The following CCDC85C variants were observed in gnomAD, a reference collection of about 807,000 sequenced individuals.
CCDC85C encodes the protein coiled-coil domain containing 85C.
A neutral mutation model predicts 38.3 loss-of-function variants in CCDC85C; 18 were observed. That is an observed-to-expected ratio of 0.47 (90% CI 0.33 to 0.70). The LOEUF is 0.70. Among genes scored for constraint, CCDC85C ranks in the 30% least tolerant of loss-of-function variants. The probability of loss-of-function intolerance (pLI) is 0.03; values close to 1 mark genes in which losing one functional copy is unlikely to be tolerated. For synonymous variants in CCDC85C, 264 were observed against 293.8 expected, an observed-to-expected ratio of 0.90 and a Z score of 1.04; for missense variants, 566 against 621.2, an observed-to-expected ratio of 0.91 and a Z score of 0.94.
At chr14:99,527,920 G>A (rs1897418229) in intron 2 of CCDC85C, among the ~76,000 whole-genome samples, 3 of 152,214 alleles carry the variant, frequency 2.0e-5, no homozygotes, top group Admixed American at 6.5e-5. Flanking sequence ...CCTGGGCAAG[G>A]TGCGTGAGAA....
At chr14:99,536,270 G>C (rs1897597925) in intron 1 of CCDC85C, among the ~76,000 whole-genome samples, 182 bp from the exon 2 acceptor site, 1 of 152,182 alleles carries the variant, frequency 6.6e-6, no homozygotes, top group Admixed American at 6.5e-5. Flanking sequence ...CACGGCCTGT[G>C]GCCAAAGGCT....
chr14:99,532,788 T>C (rs867055092), intron 2 of CCDC85C, among the ~76,000 whole-genome samples: 1 of 147,360 alleles, frequency 6.8e-6, no homozygotes, highest in African/African-American at 2.5e-5. Context: ...TCTTCTTTTT[T>C]TTTTTTTTTT....
chr14:99,502,465 C>T lies in CCDC85C; in HGVS notation c.*12781G>A, dbSNP rs561921226. The T allele has an allele frequency of 2.7e-6, 4 of 1,504,926 alleles. No individual in the cohort carries two copies. The South Asian group carries it at 4.1e-5, about 15-fold the overall frequency. The allele number at this position is 1,504,926 out of a possible 1,614,324, so 93.2% of individuals were successfully genotyped here. A position where few individuals can be genotyped will look rare whatever the true frequency, so the allele number is the denominator to read the frequency against. ...CCCTGAGTCCCAAGAATGGATTTTC[C>T]CAGATAGACATATGTGAGCAATATT... On this transcript the variant is annotated 3_prime_UTR_variant, in exon 6 of 6. Transcript: ENST00000380243.
At position 99,603,263 on chromosome 14, in the gene CCDC85C, G is replaced by A. The variant is rs1369192010; in HGVS notation, c.697C>T (p.His233Tyr). Residue 233 changes from histidine to tyrosine, a missense_variant, in exon 1 of 6, where the codon CAC becomes TAC. Physicochemically the swap from His to Tyr is moderately conservative, Grantham distance 83. Coordinates refer to ENST00000380243, the MANE Select transcript of CCDC85C (RefSeq NM_001144995.2). The surrounding 1 kb of genome is among the most constrained non-coding windows in gnomAD (Gnocchi z 7.5). Reference sequence around the variant, plus strand: ...CCTGCCTTGCCGTCGGGGGCCTTGTGCGGCCCGGGGGGCAGCAGCGGGGGT... The same window carrying A: ...CCTGCCTTGCCGTCGGGGGCCTTGTACGGCCCGGGGGGCAGCAGCGGGGGT... ...VPPPLLPPGP[H>Y]KAPDGKAGAT... The A allele has an allele frequency of 4.3e-6, 6 of 1,389,544 alleles. No homozygotes were observed. Among genetic ancestry groups the A allele is most frequent in the Non-Finnish European group, 5.6e-6 (6 of 1,078,410 alleles). The allele number at this position is 1,389,544 out of a possible 1,614,324, so 86.1% of individuals were successfully genotyped here. A position where few individuals can be genotyped will look rare whatever the true frequency, so the allele number is the denominator to read the frequency against.
rs558902032 is a variant in CCDC85C, at chr14:99,536,008, G to A, written c.867+7C>T. 1.3e-4 allele frequency: 194 copies of A among 1,550,744 alleles called. 1 individual carries two copies. The African/African-American group carries it at 1.8e-3, about 15-fold the overall frequency. On this transcript the variant is annotated splice_region_variant and intron_variant, in intron 2 of 5. Coordinates refer to ENST00000380243, the MANE Select transcript of CCDC85C (RefSeq NM_001144995.2). ...CCTCAAGGCAGCGCCACCCGAAGCC[G>A]GCCTACCTGTGCGAGGAGCTTGTCA...
At position 99,603,125 on chromosome 14, in the gene CCDC85C, C is replaced by T. The variant is rs1309048790; in HGVS notation, c.793+42G>A. 7.7e-7 allele frequency: 1 copy of T among 1,293,356 alleles called. No homozygotes were observed. The highest frequency in any genetic ancestry group is 9.8e-7 in the Non-Finnish European group (1 of 1,020,148). 80.1% of individuals were successfully genotyped at this position (1,293,356 alleles called of 1,614,324 possible). The stretch of plus-strand genomic sequence containing the variant: ...TCGCCGCAGCCTGGGAAAAGGGCTG[C>T]AGCCAGGGAGACCCGCGCTGCCCGG... On this transcript the variant is annotated intron_variant, in intron 1 of 5. Transcript: ENST00000380243. The surrounding 1 kb of genome is among the most constrained non-coding windows in gnomAD (Gnocchi z 7.5).
intron 1 of CCDC85C, among the ~76,000 whole-genome samples, chr14:99,598,498 G>T (rs940765202): frequency 6.6e-6 from 1 of 152,178 alleles, no homozygotes; most frequent in Non-Finnish European, 1.5e-5. Flanking sequence ...GGGAGCCACA[G>T]CCATCGTAGG....
intron 2 of CCDC85C, chr14:99,534,878 AG>A: frequency 1.6e-6 from 1 of 609,742 alleles, no homozygotes; most frequent in Non-Finnish European, 2.9e-6. Flanking sequence ...TGCCATTCAG[AG>A]CTTGGCTGTG....
intron 1 of CCDC85C, among the ~76,000 whole-genome samples, chr14:99,590,364 G>A (rs1023560423): frequency 6.6e-6 from 1 of 152,200 alleles, no homozygotes; most frequent in Non-Finnish European, 1.5e-5. Context: ...GCTGGAGCAG[G>A]CAGAGGCATT....
intron 2 of CCDC85C, among the ~76,000 whole-genome samples, chr14:99,524,938 A>G (rs1897355187): frequency 6.6e-6 from 1 of 152,228 alleles, no homozygotes; most frequent in African/African-American, 2.4e-5. Context: ...CTGCCAGCTC[A>G]GAGCTCAAAC....
chr14:99,532,158 G>A (rs1186200186), intron 2 of CCDC85C, among the ~76,000 whole-genome samples: 1 of 152,208 alleles, frequency 6.6e-6, no homozygotes, highest in Non-Finnish European at 1.5e-5. Flanking sequence ...CACAAGGGTG[G>A]GTCATGACAC....
chr14:99,550,813 G>A (rs929714036), intron 1 of CCDC85C, among the ~76,000 whole-genome samples: 5 of 152,102 alleles, frequency 3.3e-5, no homozygotes, highest in Admixed American at 6.5e-5. Context: ...CCTCTGAGCC[G>A]AGATACCAGC....
rs1896903767 is a variant in CCDC85C, at chr14:99,503,818, C to T, written c.*11428G>A. The T allele has an allele frequency of 1.7e-6, 1 of 601,128 alleles. No homozygotes were observed. Among genetic ancestry groups the T allele is most frequent in the South Asian group, 2.1e-5 (1 of 46,632 alleles). 37.2% of individuals were successfully genotyped at this position (601,128 alleles called of 1,614,324 possible). ...TCTGTTCATCACCTGATCATAGATT[C>T]TAAAATTGTGCTCTTACGAAGCTAT... On this transcript the variant is annotated 3_prime_UTR_variant, in exon 6 of 6. Transcript: ENST00000380243.
At chr14:99,553,427 C>T (rs1427553935) in intron 1 of CCDC85C, among the ~76,000 whole-genome samples, 3 of 152,186 alleles carry the variant, frequency 2.0e-5, no homozygotes, top group African/African-American at 4.8e-5. Context: ...TGCAATGGTG[C>T]GATCTCAGCT....
In CCDC85C at chr14:99,527,552, G is replaced by A. The variant is rs143656671; in HGVS notation, c.868-5312C>T. Among the ~76,000 whole-genome samples, 1,223 of 152,278 alleles carry A rather than the reference G, an allele frequency of 8.0e-3. 18 individuals are homozygous for A. Among genetic ancestry groups the A allele is most frequent in the African/African-American group, 0.027 (1,122 of 41,556 alleles). On this transcript the variant is annotated intron_variant, in intron 2 of 5. Transcript: ENST00000380243. ...TCCACGGGTCTCGAGGCTGGGCACAGGTGGGAGCTGAGTTCACCCAGCAGC... is the reference window on the plus strand; with the variant it reads ...TCCACGGGTCTCGAGGCTGGGCACAAGTGGGAGCTGAGTTCACCCAGCAGC...
intron 1 of CCDC85C, among the ~76,000 whole-genome samples, chr14:99,551,455 G>A (rs370969009): frequency 4.0e-5 from 6 of 151,312 alleles, no homozygotes; most frequent in Admixed American, 2.6e-4. Context: ...GTGAGCAGGT[G>A]AATGAGTGAG....
At position 99,511,441 on chromosome 14, in the gene CCDC85C, A is replaced by G. The variant is rs369414287; in HGVS notation, c.*3805T>C. 1 of 152,518 alleles carries G rather than the reference A, an allele frequency of 6.6e-6. No individual in the cohort carries two copies. The highest frequency in any genetic ancestry group is 1.5e-5 in the Non-Finnish European group (1 of 68,038). 9.4% of individuals were successfully genotyped at this position (152,518 alleles called of 1,614,324 possible). On this transcript the variant is annotated 3_prime_UTR_variant, in exon 6 of 6. Coordinates refer to ENST00000380243, the MANE Select transcript of CCDC85C (RefSeq NM_001144995.2). ...ATTTTTTAAGTGTGAATGTAACAAC[A>G]TACTGTGAATTCCATCTTGGTTACA...
Position 99,502,632 on chromosome 14 carries a change from A to G in CCDC85C, c.*12614T>C. 1 of 1,319,988 alleles carries G rather than the reference A, an allele frequency of 7.6e-7. No homozygotes were observed. Among genetic ancestry groups the G allele is most frequent in the Non-Finnish European group, 1.1e-6 (1 of 937,464 alleles). The allele number at this position is 1,319,988 out of a possible 1,614,324, so 81.8% of individuals were successfully genotyped here. On this transcript the variant is annotated 3_prime_UTR_variant, in exon 6 of 6. Transcript: ENST00000380243. Reference sequence around the variant, plus strand: ...ATGTGATTCATGCTTAGGTCCTCGTAGGGGTATCATAACTGATTCTTTATC... The same window carrying G: ...ATGTGATTCATGCTTAGGTCCTCGTGGGGGTATCATAACTGATTCTTTATC...
Position 99,501,271 on chromosome 14 carries a change from C to T in CCDC85C, c.*13975G>A. ...TGCTGTGTATTTGAGTGGTGCTGAA[C>T]ACGTGGTAGGTTTTTAATAAATACT... On this transcript the variant is annotated 3_prime_UTR_variant, in exon 6 of 6. Coordinates refer to ENST00000380243, the MANE Select transcript of CCDC85C (RefSeq NM_001144995.2). 3.5e-6 allele frequency: 3 copies of T among 863,974 alleles called. No homozygotes were observed. Among genetic ancestry groups the T allele is most frequent in the Non-Finnish European group, 5.9e-6 (3 of 507,256 alleles). 53.5% of individuals were successfully genotyped at this position (863,974 alleles called of 1,614,324 possible).
Sources: gnomAD v4.1 joint callset for allele counts (sites outside exome capture counted in the v4.1 genomes callset) on GRCh38, gnomAD v4.1.1 for gene constraint, Gnocchi (gnomAD v3.1) non-coding constraint, MANE v1.5 for transcripts, NCBI Gene and HGNC (gene_info 2026-07-23, HGNC 2026-07-21) for gene names.